Variants in SMARCAD1 observed in about 807,000 individuals in gnomAD.
SMARCAD1 encodes the protein SNF2 related chromatin remodeling ATPase with DExD box 1.
Under a neutral mutation model 127.1 loss-of-function variants are expected in SMARCAD1, and 25 were observed. The ratio of observed to expected loss-of-function variants is 0.20; its 90% CI spans 0.14 to 0.27. SMARCAD1 has a LOEUF of 0.27. SMARCAD1 is among the 10% of genes least tolerant of loss of function. The pLI is 1.00. For missense variants in SMARCAD1, 807 were observed against 1,206.0 expected, an observed-to-expected ratio of 0.67 and a Z score of 4.90; for synonymous variants, 400 against 396.9, an observed-to-expected ratio of 1.01 and a Z score of -0.09.
In SMARCAD1 at chr4:94,291,040, T is replaced by G. The variant is rs1377927307; in HGVS notation, c.*1506T>G. The G allele has an allele frequency of 6.8e-6, 3 of 439,254 alleles. No homozygotes were observed. The highest frequency in any genetic ancestry group is 1.4e-5 in the Non-Finnish European group (3 of 220,912). 27.2% of individuals were successfully genotyped at this position (439,254 alleles called of 1,614,324 possible). ...AGGGCTAAAAGGAGTCTTCATGTGT[T>G]AATACTACCTCCTTGTACATCACTA... On this transcript the variant is annotated 3_prime_UTR_variant, in exon 24 of 24. Transcript: ENST00000354268.
At chr4:94,282,595 G>C (rs1754265161) in intron 21 of SMARCAD1, among the ~76,000 whole-genome samples, 1 of 151,892 alleles carries the variant, frequency 6.6e-6, no homozygotes, top group Non-Finnish European at 1.5e-5. Context: ...TAATAAGGAC[G>C]GAATTGTGTA....
chr4:94,239,169 T>C (rs948102371), intron 5 of SMARCAD1, among the ~76,000 whole-genome samples: 143 of 152,342 alleles, frequency 9.4e-4, no homozygotes, highest in African/African-American at 3.1e-3. Flanking sequence ...TAGTGCACTT[T>C]GAGGTAGTAT....
At chr4:94,283,555 G>A (rs1319307099) in intron 22 of SMARCAD1, among the ~76,000 whole-genome samples, 2 of 152,350 alleles carry the variant, frequency 1.3e-5, no homozygotes, top group African/African-American at 2.4e-5. Flanking sequence ...GCCGGGCGCC[G>A]TGGCTCACGC....
chr4:94,279,509 C>T (rs80323472), intron 19 of SMARCAD1, among the ~76,000 whole-genome samples: 1,571 of 152,268 alleles, frequency 0.01, 24 homozygotes, highest in African/African-American at 0.035. Context: ...GACTGATAAC[C>T]TACATTATAA....
intron 2 of SMARCAD1, among the ~76,000 whole-genome samples, chr4:94,221,498 A>G (rs1370283801): frequency 2.0e-5 from 3 of 152,244 alleles, no homozygotes; most frequent in Non-Finnish European, 4.4e-5. Context: ...TCCTTTCTCC[A>G]ACTACATAAC....
intron 10 of SMARCAD1, among the ~76,000 whole-genome samples, chr4:94,268,883 A>C (rs1449994400): frequency 6.6e-6 from 1 of 152,232 alleles, no homozygotes; most frequent in Non-Finnish European, 1.5e-5. Flanking sequence ...TTATAGTAGA[A>C]ATAATTGTTT....
chr4:94,245,837 A>G (rs547858841), intron 6 of SMARCAD1, among the ~76,000 whole-genome samples: 2 of 152,320 alleles, frequency 1.3e-5, no homozygotes, highest in South Asian at 2.1e-4. Flanking sequence ...ATTTTTAACA[A>G]TTTTGCATAA....
intron 11 of SMARCAD1, among the ~76,000 whole-genome samples, chr4:94,271,881 A>G (rs767337212): frequency 1.1e-4 from 16 of 152,338 alleles, no homozygotes; most frequent in Admixed American, 5.2e-4. Flanking sequence ...AATGAGGTAT[A>G]TATTATGTGA....
chr4:94,214,288 A>G (rs1282483368), intron 2 of SMARCAD1, among the ~76,000 whole-genome samples: 2 of 141,442 alleles, frequency 1.4e-5, no homozygotes, highest in Non-Finnish European at 3.0e-5. Context: ...TTTTTGAGAC[A>G]GTTTCACTCT....
chr4:94,245,824 G>A (rs935866545), intron 6 of SMARCAD1, among the ~76,000 whole-genome samples: 1 of 152,136 alleles, frequency 6.6e-6, no homozygotes, highest in Admixed American at 6.5e-5. Flanking sequence ...CCTAAAGGCT[G>A]CAATTTTTAA....
intron 8 of SMARCAD1, among the ~76,000 whole-genome samples, chr4:94,252,140 A>G (rs1325146265): frequency 6.6e-6 from 1 of 152,208 alleles, no homozygotes; most frequent in Non-Finnish European, 1.5e-5. Context: ...GTGAGCCACC[A>G]TGCCCAGCCT....
intron 11 of SMARCAD1, 89 bp from the exon 12 acceptor site, chr4:94,273,528 C>A: frequency 2.1e-6 from 2 of 955,884 alleles, no homozygotes; most frequent in Non-Finnish European, 1.6e-6. Context: ...GTGAATACAG[C>A]ACAGAATTAC....
rs768385881 is a variant in SMARCAD1 at position 94,276,403 on chromosome 4, G to A, written c.1873G>A (p.Ala625Thr). 3 of 1,614,020 alleles carry A rather than the reference G, an allele frequency of 1.9e-6. No homozygotes were observed. The highest frequency in any genetic ancestry group is 1.1e-5 in the South Asian group (1 of 91,080). Residue 625 changes from alanine (A) to threonine (T), a missense_variant, in exon 15 of 24, where the codon GCA (alanine) becomes ACA (threonine). By Grantham distance (58) the Ala-to-Thr change is moderately conservative. This residue lies in a region of SMARCAD1 where 148 missense variants were observed against 313.2 expected (regional missense o/e 0.47). Transcript: ENST00000354268. ...GTTTCGACGGCTGAAACTTAATTAC[G>A]CAATTTTTGATGAGGGCCATATGCT... ...SLFRRLKLNY[A>T]IFDEGHMLKN...
chr4:94,210,407 T>C (rs1742015860), intron 2 of SMARCAD1, among the ~76,000 whole-genome samples: 3 of 152,262 alleles, frequency 2.0e-5, no homozygotes, highest in African/African-American at 7.2e-5. Context: ...AAGTATTAGA[T>C]ATCCATTGAA....
chr4:94,253,597 T>C, intron 9 of SMARCAD1: 1 of 1,033,026 alleles, frequency 9.7e-7, no homozygotes, highest in Non-Finnish European at 1.2e-6. Flanking sequence ...GCTGCAGCGT[T>C]TTTAATTGGA....
In SMARCAD1 at chr4:94,277,029, A is replaced by G; in HGVS notation, c.1952A>G (p.Asn651Ser). 1 of 1,614,076 alleles carries G rather than the reference A, an allele frequency of 6.2e-7. No individual in the cohort carries two copies. The highest frequency in any genetic ancestry group is 8.5e-7 in the Non-Finnish European group (1 of 1,179,956). Residue 651 changes from asparagine (N) to serine (S), a missense_variant, in exon 16 of 24, where the codon AAC becomes AGC. Physicochemically the swap from Asn to Ser is conservative, Grantham distance 46. Transcript: ENST00000354268. ...TTTTACCTTCATTCACAGGCAAATA[A>G]CCGTTTGCTGCTCACAGGCACACCT... ...YQHLMTINAN[N>S]RLLLTGTPVQ...
intron 23 of SMARCAD1, among the ~76,000 whole-genome samples, chr4:94,288,770 T>C (rs1467233915): frequency 6.6e-6 from 1 of 152,282 alleles, no homozygotes; most frequent in East Asian, 1.9e-4. Context: ...TTGCCACCTG[T>C]GCTGTTGTCA....
At chr4:94,284,104 G>A (rs1218400881) in intron 22 of SMARCAD1, among the ~76,000 whole-genome samples, 8 of 151,460 alleles carry the variant, frequency 5.3e-5, no homozygotes, top group South Asian at 2.1e-4. Context: ...GGTGGATCAC[G>A]AAGTCAGGAG....
Position 94,290,836 on chromosome 4 carries a change from TGGAA to T in SMARCAD1, c.*1303_*1306del, listed in dbSNP as rs1755589879. ...TATAAATCAAAGATTTGTTAATTTT[TGGAA>T]ATCATGCTTTTCAAAGCATCCTAAC... is the stretch of plus-strand genomic sequence containing the variant. On this transcript the variant is annotated 3_prime_UTR_variant, in exon 24 of 24. Transcript: ENST00000354268. The T allele has an allele frequency of 2.3e-6, 1 of 437,396 alleles. No individual in the cohort carries two copies. Among genetic ancestry groups the T allele is most frequent in the Non-Finnish European group, 4.5e-6 (1 of 220,760 alleles). 27.1% of individuals were successfully genotyped at this position (437,396 alleles called of 1,614,324 possible).
Sources: allele counts gnomAD v4.1 joint callset (sites outside exome capture counted in the v4.1 genomes callset), GRCh38; gene constraint gnomAD v4.1.1; regional missense constraint gnomAD v4.1.1; transcripts MANE v1.5; gene names NCBI Gene and HGNC (gene_info 2026-07-23, HGNC 2026-07-21).